Variants in ZZEF1 observed in about 807,000 individuals in gnomAD.
The protein encoded by ZZEF1 is zinc finger ZZ-type and EF-hand domain-containing protein 1.
In ZZEF1, 157 loss-of-function variants were observed where a neutral mutation model predicts 342.8. The observed-to-expected ratio is 0.46, with a 90% CI of 0.40 to 0.52. The LOEUF (loss-of-function observed/expected upper bound fraction) is 0.52. ZZEF1 is among the 20% of genes least tolerant of loss of function. The probability of loss-of-function intolerance (pLI) is 0.00; values close to 1 mark genes in which losing one functional copy is unlikely to be tolerated. For synonymous variants in ZZEF1, 1,505 were observed against 1,429.1 expected (o/e 1.05, Z -1.20); for missense variants, 3,480 against 3,725.6 (o/e 0.93, Z 1.72).
rs769215634 is a variant in ZZEF1, at chr17:4,017,344, G to A, written c.8001+27C>T. On this transcript the variant is annotated intron_variant, in intron 48 of 54. Coordinates refer to ENST00000381638, the MANE Select transcript of ZZEF1 (RefSeq NM_015113.4). This position sits in a 1 kb window ranked among gnomAD's most constrained non-coding sequence, Gnocchi z 5.1. ...GGGGCAGAGGAAGAACCTGGTGGGT[G>A]AGCACAAGCTCAGTCTGCATAACTA... is the stretch of plus-strand genomic sequence containing the variant. The A allele has an allele frequency of 3.2e-6, 5 of 1,555,430 alleles. No homozygotes were observed. Among genetic ancestry groups the A allele is most frequent in the African/African-American group, 2.7e-5 (2 of 74,334 alleles).
intron 1 of ZZEF1, among the ~76,000 whole-genome samples, chr17:4,136,661 T>C (rs8070665): frequency 0.15 from 22,769 of 151,926 alleles, 1,837 homozygotes; most frequent in African/African-American, 0.21. Context: ...TACACACCCG[T>C]CCAGGTTGCT....
chr17:4,090,769 C>T lies in ZZEF1; in HGVS notation c.1975G>A (p.Glu659Lys), dbSNP rs1485369891. 1.1e-5 allele frequency: 17 copies of T among 1,614,076 alleles called. No homozygotes were observed. The highest frequency in any genetic ancestry group is 1.4e-5 in the Non-Finnish European group (17 of 1,180,042). ...TTCACATCTGCTTCATCCCATTCTT[C>T]TTCCAGTTCAAACCAGCCAATAGGA... Reference protein sequence around the residue: ...DDPIGWFELEEEWDEADVKLQ... With the variant: ...DDPIGWFELEKEWDEADVKLQ... Residue 659 changes from glutamate (E) to lysine (K), a missense_variant, in exon 12 of 55, where the codon GAA (glutamate) becomes AAA (lysine). Physicochemically the swap from Glu to Lys is moderately conservative, Grantham distance 56. This residue lies in a region of ZZEF1 where 1,528 missense variants were observed against 1,624.1 expected (regional missense o/e 0.94). Coordinates refer to ENST00000381638, the MANE Select transcript of ZZEF1 (RefSeq NM_015113.4).
At chr17:4,103,561 TA>T (rs2058161850) in intron 8 of ZZEF1, among the ~76,000 whole-genome samples, 1 of 150,794 alleles carries the variant, frequency 6.6e-6, no homozygotes, top group African/African-American at 2.4e-5. Context: ...AATAAATAAA[TA>T]AAAATAAAAA....
At position 4,069,951 on chromosome 17, in the gene ZZEF1, T is replaced by C. The variant is rs139442747; in HGVS notation, c.4075+733A>G. On this transcript the variant is annotated intron_variant, in intron 26 of 54. Coordinates refer to ENST00000381638, the MANE Select transcript of ZZEF1 (RefSeq NM_015113.4). ...GGAGAAGACATACCCTGCCAGGCGGTTAGGAAGCCCATGCCTTATCTCTAG... is the reference window on the plus strand; with the variant it reads ...GGAGAAGACATACCCTGCCAGGCGGCTAGGAAGCCCATGCCTTATCTCTAG... Among the ~76,000 whole-genome samples the C allele has an allele frequency of 1.8e-3, 275 of 152,302 alleles. 1 individual carries two copies. The highest frequency in any genetic ancestry group is 3.4e-3 in the Middle Eastern group (1 of 294).
Position 4,051,256 on chromosome 17 carries a change from T to A in ZZEF1, c.5601-213A>T, listed in dbSNP as rs181759586. ...GAACATGCCTTTCAGGGTTTCACAA[T>A]CCCCAGAGGTTGTCTGCAGAAATTG... is the stretch of plus-strand genomic sequence containing the variant. On this transcript the variant is annotated intron_variant, in intron 35 of 54. Coordinates refer to ENST00000381638, the MANE Select transcript of ZZEF1 (RefSeq NM_015113.4). Among the ~76,000 whole-genome samples, 7 of 152,162 alleles carry A rather than the reference T, an allele frequency of 4.6e-5. No homozygotes were observed. The East Asian group carries it at 1.4e-3, about 29-fold the overall frequency.
chr17:4,080,885 A>G (rs2057711135), intron 18 of ZZEF1, among the ~76,000 whole-genome samples: 1 of 151,966 alleles, frequency 6.6e-6, no homozygotes, highest in South Asian at 2.1e-4. Flanking sequence ...ACATGCCCTC[A>G]CTCGTTTGCA....
intron 42 of ZZEF1, among the ~76,000 whole-genome samples, chr17:4,028,096 C>T (rs143107695): frequency 7.0e-4 from 106 of 152,234 alleles, no homozygotes; most frequent in Non-Finnish European, 1.0e-3. Context: ...TTACACTGAA[C>T]GCCTTTAACT....
chr17:4,053,214 T>G (rs556541989), intron 34 of ZZEF1, among the ~76,000 whole-genome samples: 1 of 152,338 alleles, frequency 6.6e-6, no homozygotes, highest in South Asian at 2.1e-4. Flanking sequence ...CTCTAGACTA[T>G]TCAAACTCCT....
intron 37 of ZZEF1, among the ~76,000 whole-genome samples, chr17:4,049,215 G>A (rs551863527): frequency 1.3e-5 from 2 of 152,126 alleles, no homozygotes; most frequent in Non-Finnish European, 1.5e-5. Context: ...TTTTATAGAT[G>A]AGAAAACTGA....
chr17:4,086,259 CA>C (rs1203740361), intron 15 of ZZEF1, among the ~76,000 whole-genome samples: 1 of 151,662 alleles, frequency 6.6e-6, no homozygotes, highest in Non-Finnish European at 1.5e-5. Context: ...AAAAGAGCAT[CA>C]GGGGAAACAC....
chr17:4,108,112 C>T (rs927274015), intron 6 of ZZEF1, among the ~76,000 whole-genome samples: 2 of 152,158 alleles, frequency 1.3e-5, no homozygotes, highest in East Asian at 1.9e-4. Context: ...CTCAAAGTAC[C>T]GCCTTCAACG....
chr17:4,013,931 T>G (rs905467708), intron 51 of ZZEF1, among the ~76,000 whole-genome samples, 159 bp downstream of exon 51: 4 of 152,178 alleles, frequency 2.6e-5, no homozygotes, highest in African/African-American at 9.7e-5. Context: ...GAAATCACAT[T>G]CAGGAGTGAC....
At chr17:4,028,581 A>G (rs1371387359) in intron 42 of ZZEF1, among the ~76,000 whole-genome samples, 3 of 151,932 alleles carry the variant, frequency 2.0e-5, no homozygotes, top group Non-Finnish European at 2.9e-5. Flanking sequence ...AAATTCAACC[A>G]TCTTGATAAC....
intron 1 of ZZEF1, among the ~76,000 whole-genome samples, chr17:4,127,974 G>A (rs1389681667): frequency 6.6e-6 from 1 of 152,164 alleles, no homozygotes; most frequent in African/African-American, 2.4e-5. Context: ...CAGCTTTTTA[G>A]TCCCCCATTC....
In ZZEF1 at chr17:4,124,609, A is replaced by ATTTTTT. The variant is rs34282931; in HGVS notation, c.355-564_355-559dup. ...AGGCGCCTGCCACAACGCCAAGCTG[A>ATTTTTT]TTTTTTTTTTTTTTTTTTTTGTATT... On this transcript the variant is annotated intron_variant, in intron 1 of 54. Coordinates refer to ENST00000381638, the MANE Select transcript of ZZEF1 (RefSeq NM_015113.4). Among the ~76,000 whole-genome samples, 3 of 126,790 alleles carry ATTTTTT rather than the reference A, an allele frequency of 2.4e-5. 1 individual carries two copies. 83.2% of individuals were successfully genotyped at this position (126,790 alleles called of 152,430 possible). A position where few individuals can be genotyped will look rare whatever the true frequency, so the allele number is the denominator to read the frequency against.
intron 52 of ZZEF1, among the ~76,000 whole-genome samples, chr17:4,011,165 G>GC (rs1269171519): frequency 6.6e-6 from 1 of 152,060 alleles, no homozygotes; most frequent in African/African-American, 2.4e-5. Flanking sequence ...ACTTTGGGAG[G>GC]CTAAGGTGGG....
chr17:4,049,777 G>A lies in ZZEF1; in HGVS notation c.5946C>T (p.Pro1982=). The change falls in exon 37 of 55, where the codon CCC becomes CCT. Residue 1982 remains proline, a synonymous_variant. Transcript: ENST00000381638. ...CTAGCTGCTCCTCTGACGCTCCGGT[G>A]GGCACAGTGACTGGTAGGGCCTGAT... ...LEDQALPVTV[P]TGASEEQLEK... 1 of 1,614,182 alleles carries A rather than the reference G, an allele frequency of 6.2e-7. No individual in the cohort carries two copies. Among genetic ancestry groups the A allele is most frequent in the African/African-American group, 1.3e-5 (1 of 75,050 alleles).
chr17:4,133,368 A>G lies in ZZEF1; in HGVS notation c.354+9174T>C, dbSNP rs185945898. ...GTCACACAGCTAGTGTTTGCATCCA[A>G]GGCTTCAGGGTTCATGTTCTTCACC... On this transcript the variant is annotated intron_variant, in intron 1 of 54. Coordinates refer to ENST00000381638, the MANE Select transcript of ZZEF1 (RefSeq NM_015113.4). 2.2e-4 allele frequency among the ~76,000 whole-genome samples: 34 copies of G among 152,304 alleles called. 1 individual carries two copies. In the East Asian group the frequency reaches 4.0e-3, roughly 18 times the overall value.
chr17:4,094,365 G>C (rs1195866772), intron 11 of ZZEF1, among the ~76,000 whole-genome samples: 7 of 151,882 alleles, frequency 4.6e-5, no homozygotes, highest in Admixed American at 4.6e-4. Context: ...TGCTCAGGCT[G>C]GTCTCAATCC....
Sources: gnomAD v4.1 joint callset for allele counts (sites outside exome capture counted in the v4.1 genomes callset) on GRCh38, gnomAD v4.1.1 for gene constraint, gnomAD v4.1.1 regional missense constraint, Gnocchi (gnomAD v3.1) non-coding constraint, MANE v1.5 for transcripts, NCBI Gene and HGNC (gene_info 2026-07-23, HGNC 2026-07-21) for gene names.